Variants in ARID4B observed in about 807,000 individuals in gnomAD.
ARID4B encodes AT-rich interaction domain 4B, also known as AT-rich interactive domain-containing protein 4B.
Under a neutral mutation model 147.5 loss-of-function variants are expected in ARID4B, and 26 were observed. The observed-to-expected ratio is 0.18, with a 90% confidence interval of 0.13 to 0.24. The LOEUF (loss-of-function observed/expected upper bound fraction) is 0.24. Among genes scored for constraint, ARID4B ranks in the 10% least tolerant of loss-of-function variants. The pLI is 1.00. For synonymous variants in ARID4B, 512 were observed against 507.9 expected, an observed-to-expected ratio of 1.01 and a Z score of -0.11; for missense variants, 1,179 against 1,511.5, an observed-to-expected ratio of 0.78 and a Z score of 3.65.
chr1:235,180,528 G>C (rs1276183231), intron 20 of ARID4B: 9 of 152,102 alleles, frequency 5.9e-5, no homozygotes, highest in Non-Finnish European at 8.8e-5. Context: ...GGATAGTTCA[G>C]TTGCATGAGA....
chr1:235,189,412 AAAAAAAAAAAAAT>A (rs1438664582), intron 19 of ARID4B, among the ~76,000 whole-genome samples: 1 of 151,352 alleles, frequency 6.6e-6, no homozygotes, highest in African/African-American at 2.4e-5. Context: ...AAAAAAAAAA[AAAAAAAAAAAAAT>A]CATTGAAAAC....
chr1:235,292,128 G>C (rs1362498095), intron 2 of ARID4B, among the ~76,000 whole-genome samples: 1 of 152,098 alleles, frequency 6.6e-6, no homozygotes, highest in Non-Finnish European at 1.5e-5. Context: ...AATGTAAGTT[G>C]TTTGCTTCTT....
intron 2 of ARID4B, among the ~76,000 whole-genome samples, chr1:235,307,621 C>G (rs1279248406): frequency 6.6e-6 from 1 of 152,112 alleles, no homozygotes; most frequent in African/African-American, 2.4e-5. Context: ...TGAGCTAGAT[C>G]ATATTCTGTG....
intron 2 of ARID4B, among the ~76,000 whole-genome samples, chr1:235,316,540 G>A (rs1674447267): frequency 6.7e-6 from 1 of 149,562 alleles, no homozygotes. Flanking sequence ...TATAAGGCTG[G>A]GCACGGTGGC....
intron 23 of ARID4B, among the ~76,000 whole-genome samples, chr1:235,169,511 G>C (rs539456687): frequency 1.3e-5 from 2 of 149,864 alleles, no homozygotes; most frequent in South Asian, 4.2e-4. Flanking sequence ...AAAATGCCGG[G>C]ATTACAGGTG....
intron 11 of ARID4B, 33 bp downstream of exon 11, chr1:235,229,198 T>C (rs374717227): frequency 1.2e-5 from 19 of 1,594,430 alleles, no homozygotes; most frequent in Non-Finnish European, 1.6e-5. Context: ...CTGTTATTTA[T>C]AATTTTAAAA....
intron 2 of ARID4B, among the ~76,000 whole-genome samples, chr1:235,316,831 A>G (rs1353346669): frequency 6.6e-6 from 1 of 152,028 alleles, no homozygotes; most frequent in Non-Finnish European, 1.5e-5. Flanking sequence ...ACAACCAAAC[A>G]AAAAAACAAG....
Position 235,202,636 on chromosome 1 carries a change from G to A in ARID4B, c.1842-6521C>T, listed in dbSNP as rs188202529. On this transcript the variant is annotated intron_variant, in intron 17 of 23. Coordinates refer to ENST00000264183, the MANE Select transcript of ARID4B (RefSeq NM_016374.6). ...GCGATCTCAGCTCACTGCAACCTCC[G>A]CCTCTCAGGTTCAAGTGATTCTCCT... Among the ~76,000 whole-genome samples, 93 of 151,210 alleles carry A rather than the reference G, an allele frequency of 6.2e-4. No homozygotes were observed. In the East Asian group the frequency reaches 0.016, roughly 26 times the overall value.
Position 235,224,719 on chromosome 1 carries a change from T to C in ARID4B, c.954A>G (p.Lys318=). 1 of 1,597,584 alleles carries C rather than the reference T, an allele frequency of 6.3e-7. No homozygotes were observed. Among genetic ancestry groups the C allele is most frequent in the Non-Finnish European group, 8.6e-7 (1 of 1,167,320 alleles). ...AATACTCACCTCTATCTTCCATAAA[T>C]TTGTACAATTGCTGAAGAAAGTTCT... ...ERENFLQQLY[K]FMEDRGTPIN... is the part of the protein sequence containing the mutation. Residue 318 remains lysine (K), a synonymous_variant, in exon 12 of 24, where the codon AAA becomes AAG. Transcript: ENST00000264183.
intron 2 of ARID4B, among the ~76,000 whole-genome samples, chr1:235,295,539 CG>C (rs1270388346): frequency 1.4e-5 from 2 of 141,072 alleles, no homozygotes; most frequent in Non-Finnish European, 3.1e-5. Context: ...AGGCCAGGCA[CG>C]GAGGCTCACG....
chr1:235,326,930 G>A lies in ARID4B; in HGVS notation c.-11C>T, dbSNP rs367815095. The A allele has an allele frequency of 1.9e-5, 30 of 1,613,784 alleles. No individual in the cohort carries two copies. Among genetic ancestry groups the A allele is most frequent in the Non-Finnish European group, 2.5e-5 (29 of 1,179,860 alleles). On this transcript the variant is annotated 5_prime_UTR_variant, in exon 2 of 24. Coordinates refer to ENST00000264183, the MANE Select transcript of ARID4B (RefSeq NM_016374.6). ...CAATCTTACCTTCATGATGACTCTG[G>A]GACCAAGGTATCCTCTAAAACACCA... is the stretch of plus-strand genomic sequence containing the variant.
chr1:235,235,132 A>G (rs948366893), intron 8 of ARID4B, among the ~76,000 whole-genome samples: 27 of 152,314 alleles, frequency 1.8e-4, no homozygotes, highest in South Asian at 8.3e-4. Flanking sequence ...AAGATGAACA[A>G]TAAGAGGATG....
Position 235,229,268 on chromosome 1 carries a change from T to C in ARID4B, c.860A>G (p.Asp287Gly), listed in dbSNP as rs370886540. The C allele has an allele frequency of 3.1e-6, 5 of 1,612,510 alleles. No individual in the cohort carries two copies. The highest frequency in any genetic ancestry group is 4.2e-6 in the Non-Finnish European group (5 of 1,179,034). ...GCTATTATCCTCCTTTTCTTTTTCA[T>C]CATCTTCCTCCTCCTCTTCTTCCTC... is the stretch of plus-strand genomic sequence containing the variant. ...EAEEEEEEED[D>G]EKEKEDNSSE... The change falls in exon 11 of 24, where the codon GAT becomes GGT. Residue 287 changes from aspartate (D) to glycine (G), a missense_variant. This residue lies in a region of ARID4B where 159 missense variants were observed against 190.5 expected (regional missense o/e 0.83). Coordinates refer to ENST00000264183, the MANE Select transcript of ARID4B (RefSeq NM_016374.6).
At chr1:235,212,458 T>TCC (rs1666776463) in intron 17 of ARID4B, among the ~76,000 whole-genome samples, 1 of 152,172 alleles carries the variant, frequency 6.6e-6, no homozygotes, top group African/African-American at 2.4e-5. Context: ...TCTGAACATC[T>TCC]CCTCATGACT....
chr1:235,326,856 AC>A (rs1270968159), intron 2 of ARID4B, 57 bp downstream of exon 2: 2 of 1,606,054 alleles, frequency 1.2e-6, no homozygotes. Context: ...CCTCGTCGAA[AC>A]CTCCTACTTC....
chr1:235,287,382 A>C (rs1672047220), intron 2 of ARID4B, among the ~76,000 whole-genome samples: 2 of 152,184 alleles, frequency 1.3e-5, no homozygotes, highest in African/African-American at 4.8e-5. Flanking sequence ...CCCAAACTGC[A>C]GGGGAGGTTG....
chr1:235,280,407 G>C (rs866614069), intron 2 of ARID4B, among the ~76,000 whole-genome samples: 2 of 152,216 alleles, frequency 1.3e-5, no homozygotes, highest in African/African-American at 4.8e-5. Context: ...TCTAACAAGA[G>C]ACGATCACTA....
At chr1:235,318,463 C>T (rs534416476) in intron 2 of ARID4B, among the ~76,000 whole-genome samples, 8 of 152,126 alleles carry the variant, frequency 5.3e-5, no homozygotes, top group African/African-American at 1.7e-4. Context: ...TGAGCCATCG[C>T]GCCTGGTCAA....
intron 19 of ARID4B, among the ~76,000 whole-genome samples, chr1:235,188,108 G>T (rs1204817733): frequency 3.3e-5 from 5 of 151,964 alleles, no homozygotes; most frequent in South Asian, 2.1e-4. Context: ...TATGTGTGTG[G>T]GGGGGTTTGG....
Sources: gnomAD v4.1 joint callset for allele counts (sites outside exome capture counted in the v4.1 genomes callset) on GRCh38, gnomAD v4.1.1 for gene constraint, gnomAD v4.1.1 regional missense constraint, MANE v1.5 for transcripts, NCBI Gene and HGNC (gene_info 2026-07-23, HGNC 2026-07-21) for gene names.